The following TNFAIP8 variants were observed in gnomAD, a reference collection of about 807,000 sequenced individuals.
TNFAIP8 encodes TNF alpha induced protein 8.
Under a neutral mutation model 13.3 loss-of-function variants are expected in TNFAIP8, and 7 were observed. The ratio of observed to expected loss-of-function variants is 0.52; its 90% confidence interval spans 0.30 to 0.99. The LOEUF (loss-of-function observed/expected upper bound fraction) is 0.99, where lower values mean the gene tolerates loss of function less well. Ranked by LOEUF, TNFAIP8 falls within the 50% of genes least tolerant of loss-of-function variation. TNFAIP8 has a pLI of 0.07. For synonymous variants in TNFAIP8, 94 were observed against 87.6 expected (o/e 1.07, Z -0.41); for missense variants, 258 against 236.9 (o/e 1.09, Z -0.58).
At chr5:119,309,926 T>C (rs1749678806) in intron 1 of TNFAIP8, among the ~76,000 whole-genome samples, 1 of 152,168 alleles carries the variant, frequency 6.6e-6, no homozygotes, top group Admixed American at 6.5e-5. Context: ...TAAGCCACTG[T>C]TTTCCCACTG....
chr5:119,378,388 C>G (rs1222721872), intron 1 of TNFAIP8, among the ~76,000 whole-genome samples: 1 of 152,146 alleles, frequency 6.6e-6, no homozygotes, highest in Non-Finnish European at 1.5e-5. Flanking sequence ...ACATGAAAGC[C>G]TAGCAAATTC....
chr5:119,373,135 A>C (rs1038191631), intron 1 of TNFAIP8, among the ~76,000 whole-genome samples: 1 of 152,102 alleles, frequency 6.6e-6, no homozygotes, highest in African/African-American at 2.4e-5. Context: ...TCCACCCCAG[A>C]CACAAAGCTT....
Position 119,398,710 on chromosome 5 carries a change from GTAAA to G in TNFAIP8, c.*5339_*5342del, listed in dbSNP as rs1462090833. On this transcript the variant is annotated 3_prime_UTR_variant, in exon 2 of 2. Coordinates refer to ENST00000504771, the MANE Select transcript of TNFAIP8 (RefSeq NM_014350.4). ...AAAAAAAAAGAAACTCTGTCTCGAA[GTAAA>G]TAAATAAATTTTTAAAAACCAACCT... 1 of 151,692 alleles carries G rather than the reference GTAAA, an allele frequency of 6.6e-6. No individual in the cohort carries two copies. The highest frequency in any genetic ancestry group is 2.4e-5 in the African/African-American group (1 of 41,334). The allele number at this position is 151,692 out of a possible 1,614,324, so 9.4% of individuals were successfully genotyped here.
rs545596961 is a variant in TNFAIP8, at chr5:119,302,583, A to G, written c.1+33676A>G. Among the ~76,000 whole-genome samples, 12 of 152,298 alleles carry G rather than the reference A, an allele frequency of 7.9e-5. No individual in the cohort carries two copies. The South Asian group carries it at 1.5e-3, about 18-fold the overall frequency. The stretch of plus-strand genomic sequence containing the variant: ...CACCTTTATCATATTGAATAACATC[A>G]TCTTCTGCCACTCCTTTTACCCCAC... On this transcript the variant is annotated intron_variant, in intron 1 of 1. Transcript: ENST00000274456.
At chr5:119,339,198 A>G (rs7704334) in intron 1 of TNFAIP8, among the ~76,000 whole-genome samples, 15,971 of 152,212 alleles carry the variant, frequency 0.1, 1,052 homozygotes, top group African/African-American at 0.2. Context: ...GGCTTCTTGT[A>G]GTTGTGTCAG....
intron 1 of TNFAIP8, among the ~76,000 whole-genome samples, chr5:119,311,004 A>G (rs1331431839): frequency 6.6e-6 from 1 of 151,990 alleles, no homozygotes; most frequent in Non-Finnish European, 1.5e-5. Flanking sequence ...TGTTCATTTT[A>G]TCTGTTTTTT....
intron 1 of TNFAIP8, among the ~76,000 whole-genome samples, chr5:119,300,239 A>T (rs115690690): frequency 0.01 from 1,547 of 152,324 alleles, 17 homozygotes; most frequent in African/African-American, 0.035. Flanking sequence ...GCTGTTCCTA[A>T]TCAGCCATCT....
At chr5:119,359,993 C>T (rs929294185) in intron 1 of TNFAIP8, among the ~76,000 whole-genome samples, 1 of 152,248 alleles carries the variant, frequency 6.6e-6, no homozygotes, top group Non-Finnish European at 1.5e-5. Context: ...ATCATACTCT[C>T]TCCTCTACAG....
chr5:119,272,078 T>C (rs1748309179), intron 1 of TNFAIP8, among the ~76,000 whole-genome samples: 1 of 152,130 alleles, frequency 6.6e-6, no homozygotes, highest in Admixed American at 6.5e-5. Flanking sequence ...TTGCAAAATG[T>C]AAAGGAGGTC....
chr5:119,346,864 C>A (rs1302330545), intron 1 of TNFAIP8, among the ~76,000 whole-genome samples: 1 of 152,188 alleles, frequency 6.6e-6, no homozygotes, highest in Non-Finnish European at 1.5e-5. Context: ...AAAATCATGT[C>A]TTTTTCAGCA....
chr5:119,278,091 G>C (rs13167735), intron 1 of TNFAIP8, among the ~76,000 whole-genome samples: 42,942 of 151,980 alleles, frequency 0.28, 6,541 homozygotes, highest in Non-Finnish European at 0.35. Context: ...GGATGTTTTA[G>C]ACTGCAATTA....
At chr5:119,311,860 G>A (rs974723867) in intron 1 of TNFAIP8, among the ~76,000 whole-genome samples, 1 of 152,120 alleles carries the variant, frequency 6.6e-6, no homozygotes, top group Admixed American at 6.6e-5. Flanking sequence ...TGAGTGTTAA[G>A]CAGAGGAATG....
upstream of TNFAIP8, among the ~76,000 whole-genome samples, chr5:119,351,680 T>C (rs6869512): frequency 0.38 from 57,716 of 152,018 alleles, 12,835 homozygotes; most frequent in African/African-American, 0.62. Flanking sequence ...CAGAGCTTGA[T>C]CTTCTGCAAA....
intron 1 of TNFAIP8, among the ~76,000 whole-genome samples, chr5:119,364,444 C>G (rs1254249165): frequency 6.6e-6 from 1 of 151,726 alleles, no homozygotes; most frequent in Non-Finnish European, 1.5e-5. Context: ...CATAGCTGGG[C>G]TCAAGCAATC....
chr5:119,285,170 G>A (rs1748741337), intron 1 of TNFAIP8, among the ~76,000 whole-genome samples: 1 of 152,166 alleles, frequency 6.6e-6, no homozygotes, highest in Non-Finnish European at 1.5e-5. Flanking sequence ...GAGGAGGCGA[G>A]CAGGCGAGCA....
chr5:119,279,066 T>C (rs1011400147), intron 1 of TNFAIP8, among the ~76,000 whole-genome samples: 1 of 152,178 alleles, frequency 6.6e-6, no homozygotes, highest in Non-Finnish European at 1.5e-5. Flanking sequence ...GTACGTAGGG[T>C]GGGCCAGCAG....
intron 1 of TNFAIP8, among the ~76,000 whole-genome samples, chr5:119,271,550 G>A (rs1258056231): frequency 6.6e-6 from 1 of 152,190 alleles, no homozygotes; most frequent in Non-Finnish European, 1.5e-5. Context: ...ATAACCTCCA[G>A]GAGACGGGAG....
chr5:119,390,990 T>C (rs1752870814), intron 1 of TNFAIP8, among the ~76,000 whole-genome samples: 1 of 150,894 alleles, frequency 6.6e-6, no homozygotes, highest in Non-Finnish European at 1.5e-5. Context: ...GGCTAATTTT[T>C]TTTTTTTTTT....
At chr5:119,278,988 C>T (rs1234214773) in intron 1 of TNFAIP8, among the ~76,000 whole-genome samples, 1 of 152,168 alleles carries the variant, frequency 6.6e-6, no homozygotes, top group Non-Finnish European at 1.5e-5. Flanking sequence ...AGGTATCCAT[C>T]ATATAGAGAA....
Sources: allele counts gnomAD v4.1 joint callset (sites outside exome capture counted in the v4.1 genomes callset), GRCh38; gene constraint gnomAD v4.1.1; transcripts MANE v1.5; gene names NCBI Gene and HGNC (gene_info 2026-07-23, HGNC 2026-07-21).